Variants in HFM1 observed in about 807,000 individuals in gnomAD.
HFM1 encodes probable ATP-dependent DNA helicase HFM1.
In HFM1, 169 loss-of-function variants were observed where a neutral mutation model predicts 192.1. That is an observed-to-expected ratio of 0.88 (90% CI 0.78 to 1.00). The LOEUF (loss-of-function observed/expected upper bound fraction) is 1.00. HFM1 is among the 50% of genes least tolerant of loss of function. The pLI, the probability that HFM1 is intolerant of heterozygous loss-of-function variation, is 0.00. For missense variants in HFM1, 1,661 were observed against 1,668.0 expected (o/e 1.00, Z 0.07); for synonymous variants, 525 against 537.8 (o/e 0.98, Z 0.33).
upstream of HFM1, among the ~76,000 whole-genome samples, chr1:91,407,837 T>A (rs1664858610): frequency 6.6e-6 from 1 of 152,242 alleles, no homozygotes; most frequent in Admixed American, 6.5e-5. Context: ...GAGTTCTAGC[T>A]GATGTATCCA....
intron 1 of HFM1, 83 bp from the exon 2 acceptor site, chr1:91,401,192 G>A: frequency 1.5e-6 from 1 of 659,066 alleles, no homozygotes; most frequent in Non-Finnish European, 2.6e-6. Flanking sequence ...ATTTTCCACA[G>A]TCTCCTGTAA....
At position 91,375,600 on chromosome 1, in the gene HFM1, T is replaced by A. The variant is rs774669891; in HGVS notation, c.1523A>T (p.Lys508Met). ...FPCSSNQTEF[K>M]FDLTLNYKIA... is the part of the protein sequence containing the mutation. ...TTTGTAGTTGAGGGTTAAATCAAAC[T>A]TAAACTCAGTTTGGTTACTACTGCA... is the stretch of plus-strand genomic sequence containing the variant. Residue 508 changes from lysine (K) to methionine (M), a missense_variant, in exon 12 of 39, where the codon AAG becomes ATG. Coordinates refer to ENST00000370425, the MANE Select transcript of HFM1 (RefSeq NM_001017975.6). 2.5e-6 allele frequency: 4 copies of A among 1,613,442 alleles called. No individual in the cohort carries two copies.
intron 13 of HFM1, among the ~76,000 whole-genome samples, chr1:91,370,461 A>G (rs1416749636): frequency 3.9e-5 from 6 of 152,242 alleles, no homozygotes; most frequent in Non-Finnish European, 7.3e-5. Flanking sequence ...CACGTAATCC[A>G]GCATATAAAC....
intron 20 of HFM1, among the ~76,000 whole-genome samples, chr1:91,334,629 C>G (rs1467939661): frequency 1.3e-4 from 19 of 151,962 alleles, no homozygotes; most frequent in Non-Finnish European, 2.9e-5. Context: ...ATGGAATTCA[C>G]TTAAGAGGTT....
intron 26 of HFM1, 79 bp from the exon 27 acceptor site, chr1:91,316,263 T>A: frequency 1.9e-6 from 2 of 1,034,632 alleles, no homozygotes; most frequent in South Asian, 3.3e-5. Flanking sequence ...AATAAATAGC[T>A]TTAATAATGC....
At chr1:91,276,563 C>A in intron 32 of HFM1, 65 bp downstream of exon 32, 1 of 726,786 alleles carries the variant, frequency 1.4e-6, no homozygotes, top group Non-Finnish European at 2.2e-6. Context: ...AATTGACAGA[C>A]AGAACAAAGA....
intron 29 of HFM1, 42 bp downstream of exon 29, chr1:91,313,915 A>G (rs759614626): frequency 1.9e-6 from 2 of 1,060,378 alleles, no homozygotes; most frequent in South Asian, 2.9e-5. Context: ...AAATGCAATT[A>G]TATTATTTAT....
intron 30 of HFM1, among the ~76,000 whole-genome samples, chr1:91,300,891 C>T (rs1201845325): frequency 6.6e-6 from 1 of 152,172 alleles, no homozygotes; most frequent in Non-Finnish European, 1.5e-5. Flanking sequence ...AGGATGCCCT[C>T]TCTCACCACT....
At chr1:91,262,454 G>A (rs1169306826) in intron 37 of HFM1, 27 bp downstream of exon 37, 4 of 1,571,462 alleles carry the variant, frequency 2.5e-6, no homozygotes, top group Non-Finnish European at 3.5e-6. Context: ...AAATTTAAAA[G>A]AAAAACAAAG....
intron 4 of HFM1, 109 bp from the exon 5 acceptor site, chr1:91,385,943 T>C: frequency 1.2e-6 from 1 of 833,442 alleles, no homozygotes; most frequent in South Asian, 1.9e-5. Context: ...GATTATGGTT[T>C]ACTCAAACAA....
At position 91,316,075 on chromosome 1, in the gene HFM1, A is replaced by G. The variant is rs745364949; in HGVS notation, c.2982+26T>C. On this transcript the variant is annotated intron_variant, in intron 27 of 38. Coordinates refer to ENST00000370425, the MANE Select transcript of HFM1 (RefSeq NM_001017975.6). ...GCTTTATTTCTGAAAAGACAATAAAATATCTAAGAAACAGAAAATATTTAC... is the reference window on the plus strand; with the variant it reads ...GCTTTATTTCTGAAAAGACAATAAAGTATCTAAGAAACAGAAAATATTTAC... 18 of 1,512,990 alleles carry G rather than the reference A, an allele frequency of 1.2e-5. No homozygotes were observed. In the Admixed American group the frequency reaches 3.0e-4, roughly 26 times the overall value. 93.7% of individuals were successfully genotyped at this position (1,512,990 alleles called of 1,614,324 possible).
chr1:91,323,793 T>C (rs1414972305), intron 21 of HFM1, among the ~76,000 whole-genome samples: 2 of 152,124 alleles, frequency 1.3e-5, no homozygotes, highest in Non-Finnish European at 2.9e-5. Flanking sequence ...ATGTTAATAG[T>C]GGGTGTTTTC....
chr1:91,265,991 T>G, intron 36 of HFM1, 26 bp downstream of exon 36: 1 of 1,586,818 alleles, frequency 6.3e-7, no homozygotes, highest in South Asian at 1.2e-5. Context: ...GTTGCAAATA[T>G]TACAAACCTA....
Position 91,352,579 on chromosome 1 carries a change from T to A in HFM1, c.1904A>T (p.Tyr635Phe), listed in dbSNP as rs959574424. 1.2e-6 allele frequency: 2 copies of A among 1,609,638 alleles called. No individual in the cohort carries two copies. Among genetic ancestry groups the A allele is most frequent in the South Asian group, 2.2e-5 (2 of 90,586 alleles). Residue 635 changes from tyrosine to phenylalanine, a missense_variant, in exon 16 of 39, where the codon TAT becomes TTT. Coordinates refer to ENST00000370425, the MANE Select transcript of HFM1 (RefSeq NM_001017975.6). ...HLVVIKSTMH[Y>F]AGGLFEEYSE... The stretch of plus-strand genomic sequence containing the variant: ...GTACTCTTCAAACAGTCCTCCAGCA[T>A]AATGCATTGTAGATTTTATAACTAC...
At chr1:91,280,032 CAATT>C (rs1460039666) in intron 30 of HFM1, among the ~76,000 whole-genome samples, 14 of 152,024 alleles carry the variant, frequency 9.2e-5, no homozygotes, top group Non-Finnish European at 1.6e-4. Flanking sequence ...AAACAATTGA[CAATT>C]AAGTGATAAA....
intron 23 of HFM1, among the ~76,000 whole-genome samples, chr1:91,320,585 A>G (rs1431098871): frequency 2.0e-5 from 3 of 152,232 alleles, no homozygotes; most frequent in Admixed American, 6.5e-5. Flanking sequence ...TTAAAAAGCA[A>G]TACTTCTAAT....
At chr1:91,297,232 C>T (rs934230164) in intron 30 of HFM1, among the ~76,000 whole-genome samples, 22 of 152,136 alleles carry the variant, frequency 1.4e-4, no homozygotes, top group African/African-American at 4.6e-4. Flanking sequence ...AAGGTGGCAG[C>T]GAGTCCGGGG....
chr1:91,329,476 A>G, intron 20 of HFM1: 1 of 1,564,652 alleles, frequency 6.4e-7, no homozygotes, highest in South Asian at 1.2e-5. Context: ...ACTAAGAAGA[A>G]GGCAAAGACT....
intron 13 of HFM1, among the ~76,000 whole-genome samples, chr1:91,365,390 T>C (rs983675153): frequency 6.6e-6 from 1 of 151,810 alleles, no homozygotes; most frequent in African/African-American, 2.4e-5. Context: ...CTATGTGAGA[T>C]GAGAGATATA....
Sources: allele counts gnomAD v4.1 joint callset (sites outside exome capture counted in the v4.1 genomes callset), GRCh38; gene constraint gnomAD v4.1.1; transcripts MANE v1.5; gene names NCBI Gene and HGNC (gene_info 2026-07-23, HGNC 2026-07-21).